Variants in PTCH1 observed in about 807,000 individuals in gnomAD.
The protein encoded by PTCH1 is patched 1.
PTCH1 carries 14 observed loss-of-function variants against 144.6 expected under a neutral mutation model. The observed-to-expected ratio is 0.10, with a 90% CI of 0.06 to 0.15. PTCH1 has a LOEUF of 0.15. Ranked by LOEUF, PTCH1 falls within the 10% of genes least tolerant of loss-of-function variation. The pLI is 1.00. For synonymous variants in PTCH1, 833 were observed against 793.6 expected (o/e 1.05, Z -0.83); for missense variants, 1,623 against 1,948.3 (o/e 0.83, Z 3.14).
intron 1 of PTCH1, chr9:95,507,920 GCACACA>G (rs763385604): frequency 8.4e-6 from 8 of 957,710 alleles, no homozygotes; most frequent in East Asian, 3.8e-5. Flanking sequence ...ACACACACAC[GCACACA>G]CACACACCTC....
chr9:95,508,456 C>G lies in PTCH1; in HGVS notation c.-95G>C. ...GCTGCGGGCTCCTGGCGCGCCTGGG[C>G]GCTCGGCTTGCGAGGACGCTGCTGG... On this transcript the variant is annotated 5_prime_UTR_variant, in exon 1 of 24. Transcript: ENST00000331920. 3 of 1,025,066 alleles carry G rather than the reference C, an allele frequency of 2.9e-6. No homozygotes were observed. Among genetic ancestry groups the G allele is most frequent in the Non-Finnish European group, 3.5e-6 (3 of 856,568 alleles). The allele number at this position is 1,025,066 out of a possible 1,614,324, so 63.5% of individuals were successfully genotyped here. A position where few individuals can be genotyped will look rare whatever the true frequency, so the allele number is the denominator to read the frequency against.
At chr9:95,507,913 C>CACAT in intron 1 of PTCH1, 1 of 1,377,502 alleles carries the variant, frequency 7.3e-7, no homozygotes, top group African/African-American at 1.5e-5. Flanking sequence ...TATACACACA[C>CACAT]ACACACGCAC....
intron 7 of PTCH1, chr9:95,479,717 C>T (rs1306479552): frequency 1.7e-6 from 1 of 598,094 alleles, no homozygotes; most frequent in Non-Finnish European, 2.9e-6. Flanking sequence ...GGCAGATCTC[C>T]TTAAACCCTA....
Position 95,459,724 on chromosome 9 carries a change from G to C in PTCH1, c.2763C>G (p.Ile921Met), listed in dbSNP as rs1564021738. Residue 921 changes from isoleucine to methionine, a missense_variant, in exon 17 of 24, where the codon ATC becomes ATG. By Grantham distance (10) the Ile-to-Met change is conservative. Around this residue, in one of 7 missense-constraint regions of PTCH1, gnomAD observed 504 missense variants for 679.3 expected, o/e 0.74. Transcript: ENST00000331920. Reference sequence around the variant, plus strand: ...CGTTGCTGACCCAAGCCGTCAGGTAGATGTAGAAAGCGCTGGGATTAATGA... The same window carrying C: ...CGTTGCTGACCCAAGCCGTCAGGTACATGTAGAAAGCGCTGGGATTAATGA... ...DGIINPSAFY[I>M]YLTAWVSNDP... 1.2e-6 allele frequency: 2 copies of C among 1,614,256 alleles called. No individual in the cohort carries two copies. Among genetic ancestry groups the C allele is most frequent in the Non-Finnish European group, 1.7e-6 (2 of 1,180,042 alleles).
At chr9:95,509,680 A>G (rs891662786), upstream of PTCH1, among the ~76,000 whole-genome samples, 1 of 152,194 alleles carries the variant, frequency 6.6e-6, no homozygotes, top group African/African-American at 2.4e-5. Context: ...TTAAGCGCTT[A>G]AACAATTTCT....
chr9:95,451,735 G>C (rs888742324), intron 20 of PTCH1: 4 of 152,210 alleles, frequency 2.6e-5, no homozygotes, highest in Admixed American at 1.3e-4. Flanking sequence ...TGTTAAACGA[G>C]AAAGTAAATA....
chr9:95,479,794 T>C, intron 7 of PTCH1, 175 bp downstream of exon 7: 1 of 1,038,342 alleles, frequency 9.6e-7, no homozygotes, highest in Non-Finnish European at 1.4e-6. Context: ...ACAAGGTGCT[T>C]TTTCAAGCTG....
chr9:95,507,439 C>T, intron 1 of PTCH1: 2 of 985,398 alleles, frequency 2.0e-6, no homozygotes, highest in African/African-American at 1.7e-5. Flanking sequence ...CACATTTCAG[C>T]GAGCCTCGTA....
intron 15 of PTCH1, among the ~76,000 whole-genome samples, chr9:95,465,574 C>G (rs1839925496): frequency 6.6e-6 from 1 of 152,202 alleles, no homozygotes; most frequent in East Asian, 1.9e-4. Flanking sequence ...CATGTAGACA[C>G]AAAGTTCTGG....
At chr9:95,487,655 C>A (rs1428223524) in intron 2 of PTCH1, among the ~76,000 whole-genome samples, 1 of 152,236 alleles carries the variant, frequency 6.6e-6, no homozygotes, top group Non-Finnish European at 1.5e-5. Flanking sequence ...GAGCTGCCCA[C>A]CAAGGAGCTC....
chr9:95,471,283 C>T (rs1840558397), intron 12 of PTCH1, among the ~76,000 whole-genome samples: 1 of 152,180 alleles, frequency 6.6e-6, no homozygotes, highest in South Asian at 2.1e-4. Flanking sequence ...GAAGGTGAAC[C>T]AGCAAGCCTG....
At chr9:95,467,453 C>T (rs1162641611) in intron 14 of PTCH1, 28 bp from the exon 15 acceptor site, 1 of 1,608,316 alleles carries the variant, frequency 6.2e-7, no homozygotes, top group Non-Finnish European at 8.5e-7. Context: ...CAAGGTCAGA[C>T]CCCAGGGAGC....
chr9:95,456,755 C>T lies in PTCH1; in HGVS notation c.3169-342G>A, dbSNP rs537040862. On this transcript the variant is annotated intron_variant, in intron 18 of 23. Transcript: ENST00000331920. ...CAAGCATGGCCGCATCACTTAGCTG[C>T]GAATTTCACAGTTTACAACAAGACC... Among the ~76,000 whole-genome samples the T allele has an allele frequency of 3.0e-3, 461 of 152,146 alleles. 1 individual carries two copies. Among genetic ancestry groups the T allele is most frequent in the African/African-American group, 0.01 (426 of 41,516 alleles).
intron 2 of PTCH1, 85 bp downstream of exon 2, chr9:95,506,322 C>A: frequency 4.8e-6 from 7 of 1,466,758 alleles, no homozygotes; most frequent in Non-Finnish European, 6.5e-6. Flanking sequence ...CGCAGCCAGG[C>A]TCTAGGTGTG....
intron 12 of PTCH1, among the ~76,000 whole-genome samples, chr9:95,474,937 C>A (rs1258959363): frequency 6.6e-6 from 1 of 152,120 alleles, no homozygotes; most frequent in Non-Finnish European, 1.5e-5. Flanking sequence ...CTTTAACAAC[C>A]TGGCCAGCTT....
intron 3 of PTCH1, chr9:95,482,854 G>A (rs564367141): frequency 1.2e-4 from 19 of 153,958 alleles, no homozygotes; most frequent in Admixed American, 3.9e-4. Context: ...GGAGGACAGC[G>A]TGAAGCCAGG....
At chr9:95,515,321 T>C (rs2118951105) in intron 1 of PTCH1, among the ~76,000 whole-genome samples, 1 of 152,334 alleles carries the variant, frequency 6.6e-6, no homozygotes, top group Non-Finnish European at 1.5e-5. Flanking sequence ...GGCTCTTTAT[T>C]ATTTATGTCT....
In PTCH1 at chr9:95,508,058, T is replaced by TGA. The variant is rs912735479; in HGVS notation, c.201+101_201+102dup. On this transcript the variant is annotated intron_variant, in intron 1 of 23. Coordinates refer to ENST00000331920, the MANE Select transcript of PTCH1 (RefSeq NM_000264.5). ...GTGTGAGTGAGTGTGTGTGTGTGTG[T>TGA]GAGAGAGAGAGGAAGAGAGTGTGTG... 1.2e-4 allele frequency: 177 copies of TGA among 1,501,596 alleles called. No individual in the cohort carries two copies. The East Asian group carries it at 2.8e-3, about 24-fold the overall frequency. The allele number at this position is 1,501,596 out of a possible 1,614,324, so 93.0% of individuals were successfully genotyped here. A position where few individuals can be genotyped will look rare whatever the true frequency, so the allele number is the denominator to read the frequency against.
chr9:95,456,195 A>G (rs2136645784), intron 19 of PTCH1, 81 bp downstream of exon 19: 1 of 1,593,000 alleles, frequency 6.3e-7, no homozygotes, highest in African/African-American at 1.3e-5. Context: ...GGAGAATGCA[A>G]GGTTCCCACT....
Sources: allele counts gnomAD v4.1 joint callset (sites outside exome capture counted in the v4.1 genomes callset), GRCh38; gene constraint gnomAD v4.1.1; regional missense constraint gnomAD v4.1.1; transcripts MANE v1.5; gene names NCBI Gene and HGNC (gene_info 2026-07-23, HGNC 2026-07-21).